The following GALNT13 variants were observed in gnomAD, a reference collection of about 807,000 sequenced individuals.
GALNT13 encodes the protein UDP-GalNAc:polypeptide N-acetylgalactosaminyltransferase 13.
Under a neutral mutation model 64.2 loss-of-function variants are expected in GALNT13, and 28 were observed. The observed-to-expected ratio is 0.44, with a 90% CI of 0.32 to 0.60. The LOEUF is 0.60. Among genes scored for constraint, GALNT13 ranks in the 20% least tolerant of loss-of-function variants. GALNT13 has a pLI of 0.05. For missense variants in GALNT13, 577 were observed against 669.8 expected (o/e 0.86, Z 1.53); for synonymous variants, 214 against 224.6 (o/e 0.95, Z 0.42).
chr2:153,196,110 A>G, the GALNT13 span, among the ~76,000 whole-genome samples: 15 of 152,292 alleles, frequency 9.8e-5, no homozygotes, highest in South Asian at 2.1e-4. Context: ...GGGTCAGGAA[A>G]AGGTACCACA....
intron 3 of GALNT13, among the ~76,000 whole-genome samples, chr2:153,972,170 GT>G (rs112762598): frequency 0.067 from 10,144 of 152,104 alleles, 722 homozygotes; most frequent in African/African-American, 0.18. Context: ...CCAGAACTGT[GT>G]GAGAGAATAT....
At chr2:153,935,645 A>C (rs1460974395) in intron 2 of GALNT13, among the ~76,000 whole-genome samples, 1 of 152,198 alleles carries the variant, frequency 6.6e-6, no homozygotes, top group Non-Finnish European at 1.5e-5. Flanking sequence ...GCAGTTCAGG[A>C]CTGGCCATGC....
the GALNT13 span, among the ~76,000 whole-genome samples, chr2:153,341,326 C>T: frequency 1.3e-5 from 2 of 152,136 alleles, no homozygotes; most frequent in South Asian, 2.1e-4. Context: ...TCACAAATGC[C>T]TAATATGCCT....
rs1437802899 is a variant in GALNT13, at chr2:154,452,023, G to T, written c.*1472G>T. The T allele has an allele frequency of 2.6e-5, 4 of 152,140 alleles. No homozygotes were observed. In the East Asian group the frequency reaches 7.7e-4, roughly 29 times the overall value. The allele number at this position is 152,140 out of a possible 1,614,324, so 9.4% of individuals were successfully genotyped here. On this transcript the variant is annotated 3_prime_UTR_variant, in exon 13 of 13. Coordinates refer to ENST00000392825, the MANE Select transcript of GALNT13 (RefSeq NM_052917.4). ...ACATGCACATACACTGCTTTATAAT[G>T]AAAATGAGGACACTTTCTGATGGTC...
intron 4 of GALNT13, among the ~76,000 whole-genome samples, chr2:154,152,153 T>C (rs1684075270): frequency 6.6e-6 from 1 of 152,222 alleles, no homozygotes; most frequent in South Asian, 2.1e-4. Context: ...CAGCATTTGC[T>C]TGTCTGTAAA....
rs1027276073 is a variant in GALNT13 at position 154,453,239 on chromosome 2, T to C, written c.*2688T>C. 1 of 152,180 alleles carries C rather than the reference T, an allele frequency of 6.6e-6. No individual in the cohort carries two copies. The highest frequency in any genetic ancestry group is 2.4e-5 in the African/African-American group (1 of 41,450). 9.4% of individuals were successfully genotyped at this position (152,180 alleles called of 1,614,324 possible). ...ATTCTGTTAACCATGAATTTGATTG[T>C]GTCACTTCCCTGCTCACAATCTTCC... On this transcript the variant is annotated 3_prime_UTR_variant, in exon 13 of 13. Transcript: ENST00000392825.
chr2:153,643,646 G>GA, the GALNT13 span, among the ~76,000 whole-genome samples: 20 of 151,404 alleles, frequency 1.3e-4, no homozygotes, highest in Admixed American at 1.3e-3. Flanking sequence ...ATAACGGTTA[G>GA]AAAAAAAGAG....
At chr2:154,348,866 G>A (rs118124803) in intron 9 of GALNT13, among the ~76,000 whole-genome samples, 12 of 152,266 alleles carry the variant, frequency 7.9e-5, no homozygotes, top group Admixed American at 6.5e-4. Flanking sequence ...ATCAAACAGA[G>A]CCTTTCCAGA....
At chr2:153,412,975 T>G in the GALNT13 span, among the ~76,000 whole-genome samples, 1 of 152,088 alleles carries the variant, frequency 6.6e-6, no homozygotes, top group Non-Finnish European at 1.5e-5. Context: ...AATGACTAAT[T>G]ATAAAAATGT....
chr2:153,758,846 C>T, the GALNT13 span, among the ~76,000 whole-genome samples: 1 of 152,174 alleles, frequency 6.6e-6, no homozygotes, highest in African/African-American at 2.4e-5. Flanking sequence ...CCCATGTCAG[C>T]TTCCCAAAGT....
the GALNT13 span, among the ~76,000 whole-genome samples, chr2:153,752,427 G>A: frequency 6.6e-6 from 1 of 152,024 alleles, no homozygotes; most frequent in Admixed American, 6.6e-5. Context: ...CAGGTCTGGT[G>A]TTGATGAAAT....
intron 4 of GALNT13, among the ~76,000 whole-genome samples, chr2:154,207,373 G>T (rs140413511): frequency 1.3e-5 from 2 of 151,728 alleles, no homozygotes; most frequent in African/African-American, 4.8e-5. Flanking sequence ...TATCATTTCC[G>T]TACCCAATTT....
At chr2:154,377,199 G>GAAGATA (rs1698040122) in intron 9 of GALNT13, among the ~76,000 whole-genome samples, 1 of 152,220 alleles carries the variant, frequency 6.6e-6, no homozygotes, top group East Asian at 1.9e-4. Context: ...TTAAATTACA[G>GAAGATA]AAGATACTAT....
chr2:153,356,348 A>G, the GALNT13 span, among the ~76,000 whole-genome samples: 3 of 152,344 alleles, frequency 2.0e-5, no homozygotes, highest in South Asian at 2.1e-4. Flanking sequence ...AGGTGGTTTG[A>G]TCTTTCTGGA....
intron 9 of GALNT13, among the ~76,000 whole-genome samples, chr2:154,317,428 T>A (rs1315890852): frequency 1.3e-5 from 2 of 152,196 alleles, no homozygotes; most frequent in African/African-American, 4.8e-5. Flanking sequence ...AGGCTAGATG[T>A]TAATCTTTTA....
intron 4 of GALNT13, chr2:154,236,055 C>T: frequency 8.0e-7 from 1 of 1,244,444 alleles, no homozygotes; most frequent in Non-Finnish European, 1.1e-6. Context: ...GCTAATAGAC[C>T]ATGAGAACAG....
intron 10 of GALNT13, among the ~76,000 whole-genome samples, chr2:154,403,455 CAA>C (rs950728521): frequency 8.1e-6 from 1 of 124,014 alleles, no homozygotes; most frequent in Non-Finnish European, 1.7e-5. Context: ...GACTCCGTCT[CAA>C]AAAAAAAAAC....
At chr2:153,985,444 C>T (rs1477345488) in intron 3 of GALNT13, among the ~76,000 whole-genome samples, 1 of 151,974 alleles carries the variant, frequency 6.6e-6, no homozygotes, top group Non-Finnish European at 1.5e-5. Flanking sequence ...GTATATCAAG[C>T]TTTCCATTCT....
chr2:153,308,927 A>T, the GALNT13 span, among the ~76,000 whole-genome samples: 111 of 152,058 alleles, frequency 7.3e-4, no homozygotes, highest in Middle Eastern at 6.8e-3. Flanking sequence ...GAGAAAAAAA[A>T]TTTTTTTTAG....
Sources: allele counts gnomAD v4.1 joint callset (sites outside exome capture counted in the v4.1 genomes callset), GRCh38; gene constraint gnomAD v4.1.1; transcripts MANE v1.5; gene names NCBI Gene and HGNC (gene_info 2026-07-23, HGNC 2026-07-21).